Variants in TTC29 observed in about 807,000 individuals in gnomAD.
TTC29 encodes the protein tetratricopeptide repeat domain 29.
TTC29 carries 49 observed loss-of-function variants against 58.1 expected under a neutral mutation model. The ratio of observed to expected loss-of-function variants is 0.84; its 90% CI spans 0.67 to 1.07. The LOEUF (loss-of-function observed/expected upper bound fraction) is 1.07, where lower values mean the gene tolerates loss of function less well. Among genes scored for constraint, TTC29 ranks in the 50% least tolerant of loss-of-function variants. TTC29 has a pLI of 0.00. For missense variants in TTC29, 582 were observed against 555.6 expected (o/e 1.05, Z -0.48); for synonymous variants, 209 against 196.8 (o/e 1.06, Z -0.52).
intron 10 of TTC29, among the ~76,000 whole-genome samples, chr4:146,813,481 CTAATTA>C (rs1444736745): frequency 2.0e-5 from 3 of 152,110 alleles, no homozygotes; most frequent in African/African-American, 7.2e-5. Flanking sequence ...TGTGCTAATT[CTAATTA>C]TAATTACTAT....
chr4:146,821,635 A>G (rs554764483), intron 9 of TTC29, among the ~76,000 whole-genome samples: 1 of 152,196 alleles, frequency 6.6e-6, no homozygotes, highest in African/African-American at 2.4e-5. Flanking sequence ...CAATGAAGTA[A>G]TGTTGAAAAT....
intron 8 of TTC29, among the ~76,000 whole-genome samples, chr4:146,837,965 A>C (rs1728619792): frequency 6.6e-6 from 1 of 152,060 alleles, no homozygotes; most frequent in African/African-American, 2.4e-5. Context: ...ACCAAACTAC[A>C]TGATAACCAA....
At chr4:146,787,158 CT>C (rs1261624229) in intron 11 of TTC29, among the ~76,000 whole-genome samples, 1 of 152,058 alleles carries the variant, frequency 6.6e-6, no homozygotes, top group Non-Finnish European at 1.5e-5. Context: ...AGCTAAAGAA[CT>C]ACCTAGTAAG....
chr4:146,775,310 G>T (rs749669656), intron 11 of TTC29, among the ~76,000 whole-genome samples: 2 of 152,102 alleles, frequency 1.3e-5, no homozygotes, highest in Non-Finnish European at 2.9e-5. Flanking sequence ...CGGTTATTAT[G>T]CAGACTTGAT....
chr4:146,848,494 C>T (rs937288829), intron 8 of TTC29, among the ~76,000 whole-genome samples: 1 of 152,130 alleles, frequency 6.6e-6, no homozygotes, highest in Non-Finnish European at 1.5e-5. Context: ...ATTTAACACT[C>T]TTTAGTGGTT....
chr4:146,826,669 G>A (rs997538727), intron 9 of TTC29, among the ~76,000 whole-genome samples: 1 of 152,000 alleles, frequency 6.6e-6, no homozygotes, highest in African/African-American at 2.4e-5. Flanking sequence ...TTGCTAGGTT[G>A]GGAAAATTCT....
chr4:146,847,457 T>C (rs1729244891), intron 8 of TTC29, among the ~76,000 whole-genome samples: 1 of 152,174 alleles, frequency 6.6e-6, no homozygotes, highest in Non-Finnish European at 1.5e-5. Context: ...TCAGATGTAA[T>C]GGCTGCTACT....
At chr4:146,850,953 C>G (rs1398336644) in intron 8 of TTC29, among the ~76,000 whole-genome samples, 4 of 151,940 alleles carry the variant, frequency 2.6e-5, no homozygotes, top group African/African-American at 7.2e-5. Flanking sequence ...CAGTAAGGAC[C>G]AATAAACATA....
At chr4:146,804,980 G>A (rs1280141342) in intron 10 of TTC29, among the ~76,000 whole-genome samples, 1 of 152,110 alleles carries the variant, frequency 6.6e-6, no homozygotes, top group Non-Finnish European at 1.5e-5. Context: ...CCTCATACAG[G>A]AGAGCTCTAG....
rs1191018960 is a variant in TTC29, at chr4:146,769,264, TA to T, written c.1330+34192del. 3.9e-5 allele frequency among the ~76,000 whole-genome samples: 6 copies of T among 152,034 alleles called. 1 individual carries two copies. Among genetic ancestry groups the T allele is most frequent in the Admixed American group, 3.9e-4 (6 of 15,224 alleles). On this transcript the variant is annotated intron_variant, in intron 11 of 12. Coordinates refer to ENST00000325106, the MANE Select transcript of TTC29 (RefSeq NM_031956.4). ...AATCTTTTGCTGTAGTGATTGCGAA[TA>T]TTTTTGACTTTCCTTTTAGACAAAC...
chr4:146,742,765 C>G (rs1413565754), intron 11 of TTC29, among the ~76,000 whole-genome samples: 2 of 147,638 alleles, frequency 1.4e-5, no homozygotes, highest in Non-Finnish European at 3.0e-5. Flanking sequence ...CCCTCCCCTC[C>G]CCTCTCCTTT....
intron 10 of TTC29, among the ~76,000 whole-genome samples, chr4:146,812,302 GT>G (rs1751078199): frequency 6.6e-6 from 1 of 152,076 alleles, no homozygotes; most frequent in Non-Finnish European, 1.5e-5. Flanking sequence ...ATTATTTATT[GT>G]TTTAGGTGAG....
intron 6 of TTC29, among the ~76,000 whole-genome samples, chr4:146,880,858 G>A (rs557079886): frequency 2.0e-5 from 3 of 151,988 alleles, no homozygotes; most frequent in South Asian, 2.1e-4. Flanking sequence ...TGATGCTTGC[G>A]CCCGTAAGCT....
intron 8 of TTC29, among the ~76,000 whole-genome samples, chr4:146,841,524 G>C (rs1266850912): frequency 6.6e-6 from 1 of 152,040 alleles, no homozygotes; most frequent in Admixed American, 6.6e-5. Context: ...ACCTATTTGA[G>C]ATGGGAGTTT....
chr4:146,935,896 G>A (rs1161875052), intron 4 of TTC29, among the ~76,000 whole-genome samples: 2 of 152,276 alleles, frequency 1.3e-5, no homozygotes, highest in African/African-American at 4.8e-5. Flanking sequence ...GGCACCTGCT[G>A]GGCATTGCTG....
rs528957219 is a variant in TTC29, at chr4:146,892,558, C to A, written c.586+10986G>T. 1.4e-4 allele frequency among the ~76,000 whole-genome samples: 21 copies of A among 152,268 alleles called. No homozygotes were observed. In the East Asian group the frequency reaches 3.9e-3, roughly 28 times the overall value. On this transcript the variant is annotated intron_variant, in intron 6 of 12. Transcript: ENST00000325106. ...TCAAAATAATAAGAGCTATCTATGA[C>A]AAACCCACAGCCAGTATCATACTGA...
chr4:146,863,701 T>G (rs755336509), intron 8 of TTC29, among the ~76,000 whole-genome samples: 1 of 152,178 alleles, frequency 6.6e-6, no homozygotes, highest in Non-Finnish European at 1.5e-5. Context: ...CTGCTGTCCA[T>G]AAACTGCATG....
intron 9 of TTC29, among the ~76,000 whole-genome samples, chr4:146,829,298 T>C (rs1728009029): frequency 6.6e-6 from 1 of 152,226 alleles, no homozygotes; most frequent in Non-Finnish European, 1.5e-5. Flanking sequence ...ATATCACACT[T>C]GGCCTACTGT....
chr4:146,778,433 C>A (rs1379025755), intron 11 of TTC29, among the ~76,000 whole-genome samples: 1 of 151,958 alleles, frequency 6.6e-6, no homozygotes, highest in Non-Finnish European at 1.5e-5. Flanking sequence ...TTGAAATTAA[C>A]ATAATCACAC....
Sources: gnomAD v4.1 joint callset for allele counts (sites outside exome capture counted in the v4.1 genomes callset) on GRCh38, gnomAD v4.1.1 for gene constraint, MANE v1.5 for transcripts, NCBI Gene and HGNC (gene_info 2026-07-23, HGNC 2026-07-21) for gene names.